The following SLC1A3 variants were observed in gnomAD, a reference collection of about 807,000 sequenced individuals.
SLC1A3 encodes excitatory amino acid transporter 1.
SLC1A3 carries 21 observed loss-of-function variants against 48.1 expected under a neutral mutation model. That is an observed-to-expected ratio of 0.44 (90% CI 0.31 to 0.63). SLC1A3 has a LOEUF of 0.63. Among genes scored for constraint, SLC1A3 ranks in the 20% least tolerant of loss-of-function variants. The pLI is 0.08. For missense variants in SLC1A3, 546 were observed against 689.0 expected, an observed-to-expected ratio of 0.79 and a Z score of 2.32; for synonymous variants, 239 against 251.4, an observed-to-expected ratio of 0.95 and a Z score of 0.47.
At chr5:36,604,913 G>GGC (rs1738870461), upstream of SLC1A3, among the ~76,000 whole-genome samples, 1 of 149,376 alleles carries the variant, frequency 6.7e-6, no homozygotes, top group Non-Finnish European at 1.5e-5. Context: ...CGGTGGGGGG[G>GGC]GGGGGTGTGC....
At chr5:36,606,335 T>G (rs2111644682), upstream of SLC1A3, 1 of 152,394 alleles carries the variant, frequency 6.6e-6, no homozygotes, top group Middle Eastern at 3.4e-3. Context: ...ATCAAGACTT[T>G]CAGCTTTCCG....
intron 3 of SLC1A3, among the ~76,000 whole-genome samples, chr5:36,657,550 A>G (rs1362998589): frequency 1.3e-5 from 2 of 152,222 alleles, no homozygotes; most frequent in Admixed American, 1.3e-4. Context: ...ACTCAACAAC[A>G]TAGAAGTCAT....
At chr5:36,611,886 G>A (rs750570371) in intron 2 of SLC1A3, among the ~76,000 whole-genome samples, 1 of 152,202 alleles carries the variant, frequency 6.6e-6, no homozygotes, top group African/African-American at 2.4e-5. Context: ...GCTAGGGAAT[G>A]AATTGCACAA....
chr5:36,600,294 A>G (rs917334294), intron 1 of SLC1A3, among the ~76,000 whole-genome samples: 5 of 151,994 alleles, frequency 3.3e-5, no homozygotes, highest in Admixed American at 6.6e-5. Context: ...ATGAGATTTG[A>G]TTGGAACAAA....
upstream of SLC1A3, among the ~76,000 whole-genome samples, chr5:36,602,775 T>G (rs1455472929): frequency 6.6e-6 from 1 of 152,196 alleles, no homozygotes; most frequent in Non-Finnish European, 1.5e-5. Flanking sequence ...TCCCTAGGCT[T>G]CTGCCCTTGC....
intron 3 of SLC1A3, among the ~76,000 whole-genome samples, chr5:36,658,564 AG>A (rs1213615100): frequency 6.6e-6 from 1 of 152,206 alleles, no homozygotes; most frequent in Non-Finnish European, 1.5e-5. Context: ...TTTATCTCAA[AG>A]GGAAAGGGTT....
At chr5:36,650,635 G>GATGATTAT (rs1213129431) in intron 3 of SLC1A3, among the ~76,000 whole-genome samples, 1 of 152,100 alleles carries the variant, frequency 6.6e-6, no homozygotes, top group African/African-American at 2.4e-5. Flanking sequence ...ATGTCACCAT[G>GATGATTAT]GTATTGTTTA....
chr5:36,605,979 CTT>C (rs1171580010), upstream of SLC1A3, among the ~76,000 whole-genome samples: 1 of 152,204 alleles, frequency 6.6e-6, no homozygotes, highest in Non-Finnish European at 1.5e-5. Context: ...ATTCCAGTCT[CTT>C]TACATTTGCT....
At chr5:36,633,964 G>A (rs749311503) in intron 3 of SLC1A3, among the ~76,000 whole-genome samples, 5 of 152,126 alleles carry the variant, frequency 3.3e-5, no homozygotes, top group African/African-American at 7.2e-5. Context: ...CCTGAGACCC[G>A]ACTCCCCCGC....
intron 4 of SLC1A3, among the ~76,000 whole-genome samples, 168 bp from the exon 5 acceptor site, chr5:36,673,881 T>C (rs1742096482): frequency 6.6e-6 from 1 of 152,186 alleles, no homozygotes; most frequent in Admixed American, 6.5e-5. Context: ...GGGCCACACT[T>C]AGGGAGGACC....
At chr5:36,662,016 T>A (rs1741533138) in intron 3 of SLC1A3, among the ~76,000 whole-genome samples, 1 of 152,200 alleles carries the variant, frequency 6.6e-6, no homozygotes, top group Non-Finnish European at 1.5e-5. Context: ...ACAGCTTTTG[T>A]GGAAATTGCA....
intron 3 of SLC1A3, among the ~76,000 whole-genome samples, chr5:36,634,465 C>T (rs1367010075): frequency 3.9e-5 from 6 of 152,118 alleles, no homozygotes; most frequent in Non-Finnish European, 8.8e-5. Context: ...GATTTCCACA[C>T]CACCAGAACA....
intron 2 of SLC1A3, among the ~76,000 whole-genome samples, chr5:36,625,832 T>C (rs370173575): frequency 2.6e-5 from 4 of 152,196 alleles, no homozygotes; most frequent in African/African-American, 7.2e-5. Context: ...TTTTAGACAA[T>C]GTAGGTGTTG....
chr5:36,596,648 G>A (rs1486054621), exon 1 of SLC1A3, among the ~76,000 whole-genome samples: 1 of 152,194 alleles, frequency 6.6e-6, no homozygotes, highest in Non-Finnish European at 1.5e-5. Flanking sequence ...AGAAAGGGGA[G>A]ACTCCAGCTA....
chr5:36,668,715 T>C (rs1741863953), intron 3 of SLC1A3: 2 of 152,216 alleles, frequency 1.3e-5, no homozygotes, highest in South Asian at 4.1e-4. Flanking sequence ...TCTTCAGCTA[T>C]TTAGAATTAG....
intron 6 of SLC1A3, among the ~76,000 whole-genome samples, chr5:36,678,625 G>A (rs1742307167): frequency 6.6e-6 from 1 of 152,216 alleles, no homozygotes; most frequent in African/African-American, 2.4e-5. Context: ...TCTTAAGTGT[G>A]ATTGGCTTCT....
At chr5:36,631,148 A>G (rs1458991859) in intron 3 of SLC1A3, among the ~76,000 whole-genome samples, 4 of 152,170 alleles carry the variant, frequency 2.6e-5, no homozygotes. Flanking sequence ...GTTTTCCTAT[A>G]CACAAACCGA....
At chr5:36,601,476 A>G (rs1413409651), upstream of SLC1A3, among the ~76,000 whole-genome samples, 3 of 152,224 alleles carry the variant, frequency 2.0e-5, no homozygotes, top group Admixed American at 2.0e-4. Flanking sequence ...GACATTCAGA[A>G]CTGGGAAAGG....
chr5:36,605,950 A>G (rs1401897099), upstream of SLC1A3, among the ~76,000 whole-genome samples: 1 of 152,124 alleles, frequency 6.6e-6, no homozygotes, highest in African/African-American at 2.4e-5. Context: ...AATGCTTTTC[A>G]TTTTCTAGTT....
Sources: gnomAD v4.1 joint callset for allele counts (sites outside exome capture counted in the v4.1 genomes callset) on GRCh38, gnomAD v4.1.1 for gene constraint, MANE v1.5 for transcripts, NCBI Gene and HGNC (gene_info 2026-07-23, HGNC 2026-07-21) for gene names.